The following ABL2 variants were observed in gnomAD, a reference collection of about 807,000 sequenced individuals.
The protein encoded by ABL2 is ABL proto-oncogene 2, non-receptor tyrosine kinase.
In ABL2, 49 loss-of-function variants were observed where a neutral mutation model predicts 107.7. The ratio of observed to expected loss-of-function variants is 0.45; its 90% CI spans 0.36 to 0.58. The LOEUF (loss-of-function observed/expected upper bound fraction) is 0.58. Ranked by LOEUF, ABL2 falls within the 20% of genes least tolerant of loss-of-function variation. The probability of loss-of-function intolerance (pLI) is 0.00; values close to 1 mark genes in which losing one functional copy is unlikely to be tolerated. For missense variants in ABL2, 1,245 were observed against 1,457.0 expected (o/e 0.85, Z 2.37); for synonymous variants, 549 against 548.6 (o/e 1.00, Z -0.01).
At position 179,184,127 on chromosome 1, in the gene ABL2, G is replaced by A. The variant is rs28914476; in HGVS notation, c.157+45114C>T. On this transcript the variant is annotated intron_variant, in intron 1 of 11. Coordinates refer to ENST00000502732, the MANE Select transcript of ABL2 (RefSeq NM_007314.4). ...AAGTTCCAAGTTTTGGGGTTACAAC[G>A]TTTGTCAACCATCCTCAAGTGTCTG... 2.9e-3 allele frequency: 869 copies of A among 303,670 alleles called. 9 individuals carry two copies. Among genetic ancestry groups the A allele is most frequent in the African/African-American group, 0.017 (755 of 44,476 alleles). The allele number at this position is 303,670 out of a possible 1,614,324, so 18.8% of individuals were successfully genotyped here. A position where few individuals can be genotyped will look rare whatever the true frequency, so the allele number is the denominator to read the frequency against.
At chr1:179,200,118 C>T (rs1162250860) in intron 1 of ABL2, among the ~76,000 whole-genome samples, 1 of 144,770 alleles carries the variant, frequency 6.9e-6, no homozygotes, top group South Asian at 2.2e-4. Context: ...ACAGCCTTGG[C>T]TCACTGCAAC....
At chr1:179,110,014 C>T (rs1387189404) in intron 11 of ABL2, among the ~76,000 whole-genome samples, 4 of 152,080 alleles carry the variant, frequency 2.6e-5, no homozygotes, top group African/African-American at 7.2e-5. Flanking sequence ...AAAACCACTG[C>T]GCAACCTCTT....
intron 1 of ABL2, among the ~76,000 whole-genome samples, chr1:179,227,741 ACT>A (rs1330511151): frequency 2.0e-5 from 3 of 152,244 alleles, no homozygotes; most frequent in Admixed American, 2.0e-4. Context: ...CGAAAGAGAC[ACT>A]CAAGCACATC....
chr1:179,199,054 C>T (rs1475007345), intron 1 of ABL2, among the ~76,000 whole-genome samples: 1 of 151,864 alleles, frequency 6.6e-6, no homozygotes, highest in African/African-American at 2.4e-5. Flanking sequence ...TGTTGGCCAG[C>T]CTGGTCTCGA....
At chr1:179,170,187 T>C (rs1659638332) in intron 1 of ABL2, among the ~76,000 whole-genome samples, 2 of 152,206 alleles carry the variant, frequency 1.3e-5, no homozygotes, top group Admixed American at 6.5e-5. Context: ...CATCCTTTTA[T>C]CTGGAGCCAA....
Position 179,108,871 on chromosome 1 carries a change from A to C in ABL2, c.2396T>G (p.Met799Arg), listed in dbSNP as rs1329040238. 6.2e-7 allele frequency: 1 copy of C among 1,614,044 alleles called. No homozygotes were observed. The highest frequency in any genetic ancestry group is 8.5e-7 in the Non-Finnish European group (1 of 1,180,046). Residue 799 changes from methionine (M) to arginine (R), a missense_variant, in exon 12 of 12, where the codon ATG becomes AGG. Around this residue, in one of 3 missense-constraint regions of ABL2, gnomAD observed 761 missense variants for 766.4 expected, o/e 0.99. Transcript: ENST00000502732. The part of the protein sequence containing the change: ...SGLPEQDRMA[M>R]TLPRNCQRSK... ...CCTCTGGCAGTTCCTGGGAAGGGTC[A>C]TTGCCATCCTATCCTGCTCTGGAAG...
intron 1 of ABL2, among the ~76,000 whole-genome samples, chr1:179,136,573 GGA>G (rs1403491820): frequency 6.8e-6 from 1 of 147,642 alleles, no homozygotes; most frequent in Admixed American, 6.8e-5. Context: ...CAAACACTGC[GGA>G]AGGCCGCAGG....
intron 1 of ABL2, among the ~76,000 whole-genome samples, chr1:179,180,612 G>A (rs1052332483): frequency 1.5e-4 from 23 of 152,116 alleles, no homozygotes; most frequent in African/African-American, 5.6e-4. Context: ...CCGTGGCCAA[G>A]GTGCATAAGG....
chr1:179,108,080 C>T lies in ABL2; in HGVS notation c.3187G>A (p.Ala1063Thr). 1 of 1,614,252 alleles carries T rather than the reference C, an allele frequency of 6.2e-7. No individual in the cohort carries two copies. The highest frequency in any genetic ancestry group is 8.5e-7 in the Non-Finnish European group (1 of 1,180,054). Reference protein sequence around the residue: ...ISPAKMANGTAGTKVALRKTK... With the variant: ...ISPAKMANGTTGTKVALRKTK... Reference sequence around the variant, plus strand: ...TTTCTCAGAGCCACTTTAGTACCTGCTGTGCCATTGGCCATTTTGGCTGGC... The same window carrying T: ...TTTCTCAGAGCCACTTTAGTACCTGTTGTGCCATTGGCCATTTTGGCTGGC... The change falls in exon 12 of 12, where the codon GCA becomes ACA. Residue 1063 changes from alanine to threonine, a missense_variant. Physicochemically the swap from Ala to Thr is moderately conservative, Grantham distance 58 (BLOSUM62 0). This residue lies in a region of ABL2 where 761 missense variants were observed against 766.4 expected (regional missense o/e 0.99). Transcript: ENST00000502732.
intron 6 of ABL2, 48 bp downstream of exon 6, chr1:179,120,142 G>T: frequency 1.5e-6 from 2 of 1,302,084 alleles, no homozygotes; most frequent in South Asian, 2.7e-5. Context: ...AGGGGTTAAA[G>T]GGCAAGCATT....
At chr1:179,204,215 T>C (rs1189588275) in intron 1 of ABL2, among the ~76,000 whole-genome samples, 3 of 151,642 alleles carry the variant, frequency 2.0e-5, no homozygotes, top group Admixed American at 1.3e-4. Context: ...TTAGTAGAAA[T>C]AGGGTTTTGC....
At chr1:179,201,828 A>G (rs949204916) in intron 1 of ABL2, 15 of 1,173,248 alleles carry the variant, frequency 1.3e-5, no homozygotes, top group Non-Finnish European at 1.8e-5. Context: ...GGCTATTAAC[A>G]TGGTGACAGA....
At chr1:179,227,008 A>G (rs1425510944) in intron 1 of ABL2, among the ~76,000 whole-genome samples, 1 of 152,198 alleles carries the variant, frequency 6.6e-6, no homozygotes, top group Non-Finnish European at 1.5e-5. Context: ...AATGAATGAA[A>G]GGACCCTTGA....
intron 1 of ABL2, 54 bp downstream of exon 1, chr1:179,229,187 G>GCCC: frequency 8.3e-6 from 1 of 120,774 alleles, no homozygotes; most frequent in East Asian, 2.1e-4. Flanking sequence ...ACCCCGCCCC[G>GCCC]ACCCCACCCC....
intron 1 of ABL2, among the ~76,000 whole-genome samples, chr1:179,153,672 T>C (rs938094978): frequency 6.6e-6 from 1 of 152,016 alleles, no homozygotes. Context: ...AGACCAAAAA[T>C]TCCCCCCACC....
At chr1:179,193,738 T>C (rs764082254) in intron 1 of ABL2, among the ~76,000 whole-genome samples, 11 of 151,848 alleles carry the variant, frequency 7.2e-5, no homozygotes. Flanking sequence ...TTTGTTTTTT[T>C]GGTTTTTTTT....
chr1:179,130,726 TTGTG>T (rs10643666), intron 3 of ABL2, among the ~76,000 whole-genome samples: 3,436 of 142,742 alleles, frequency 0.024, 88 homozygotes, highest in African/African-American at 0.057. Flanking sequence ...ATTATTGATT[TTGTG>T]TGTGTGTGTG....
At chr1:179,132,129 C>G (rs773196570) in intron 2 of ABL2, among the ~76,000 whole-genome samples, 7 of 152,108 alleles carry the variant, frequency 4.6e-5, no homozygotes, top group Non-Finnish European at 8.8e-5. Context: ...GTGGCCGCAC[C>G]CGGCCTGAAT....
chr1:179,151,206 AG>A (rs1162377841), intron 1 of ABL2, among the ~76,000 whole-genome samples: 1 of 152,218 alleles, frequency 6.6e-6, no homozygotes, highest in Non-Finnish European at 1.5e-5. Context: ...TAAAGAGGAT[AG>A]TTCCCTACCT....
Sources: allele counts gnomAD v4.1 joint callset (sites outside exome capture counted in the v4.1 genomes callset), GRCh38; gene constraint gnomAD v4.1.1; regional missense constraint gnomAD v4.1.1; transcripts MANE v1.5; gene names NCBI Gene and HGNC (gene_info 2026-07-23, HGNC 2026-07-21).